Variants in PAX3 observed in about 807,000 individuals in gnomAD.
PAX3 encodes paired box 3.
A neutral mutation model predicts 51.6 loss-of-function variants in PAX3; 14 were observed. The observed-to-expected ratio is 0.27, with a 90% CI of 0.18 to 0.42. The LOEUF is 0.42. Ranked by LOEUF, PAX3 falls within the 10% of genes least tolerant of loss-of-function variation. The pLI is 1.00. For missense variants in PAX3, 540 were observed against 642.8 expected (o/e 0.84, Z 1.73); for synonymous variants, 280 against 253.4 (o/e 1.11, Z -1.00).
At chr2:222,252,230 G>A (rs966267933) in intron 4 of PAX3, among the ~76,000 whole-genome samples, 7 of 152,160 alleles carry the variant, frequency 4.6e-5, no homozygotes, top group Admixed American at 4.6e-4. Context: ...AGAGGCCAGT[G>A]GCCCCAAAAA....
intron 4 of PAX3, among the ~76,000 whole-genome samples, chr2:222,262,345 C>CA (rs1177040203): frequency 5.3e-5 from 8 of 151,386 alleles, no homozygotes; most frequent in East Asian, 3.9e-4. Context: ...AACAAATAAA[C>CA]AAAAAAAAGC....
chr2:222,228,609 T>A (rs1692469154), intron 5 of PAX3, among the ~76,000 whole-genome samples: 1 of 152,110 alleles, frequency 6.6e-6, no homozygotes, highest in Non-Finnish European at 1.5e-5. Context: ...TTTTCCTTAC[T>A]CACATTGAGT....
rs768353820 is a variant in PAX3 at position 222,221,179 on chromosome 2, G to T, written c.958+43C>A. ...GTATAAAATATCCACCAGAGAAATC[G>T]CCTGGAAGTTACTTTCTAATCTCCT... On this transcript the variant is annotated intron_variant, in intron 6 of 8. Coordinates refer to ENST00000392070, the MANE Select transcript of PAX3 (RefSeq NM_181458.4). The T allele has an allele frequency of 2.5e-6, 4 of 1,576,554 alleles. No individual in the cohort carries two copies. The East Asian group carries it at 6.7e-5, about 26-fold the overall frequency.
chr2:222,247,343 T>C (rs45524536), intron 4 of PAX3, among the ~76,000 whole-genome samples: 17,477 of 152,188 alleles, frequency 0.11, 1,246 homozygotes, highest in East Asian at 0.32. Flanking sequence ...TAACTAACAA[T>C]GTAACTAAAT....
At chr2:222,245,573 T>G (rs752115387) in intron 4 of PAX3, among the ~76,000 whole-genome samples, 1 of 152,142 alleles carries the variant, frequency 6.6e-6, no homozygotes, top group Non-Finnish European at 1.5e-5. Context: ...GGGACAATCT[T>G]GCAGAACTGG....
rs1695334796 is a variant in PAX3 at position 222,296,993 on chromosome 2, G to T, written c.306C>A (p.Gly102=). The change falls in exon 2 of 9, where the codon GGC becomes GGA. Residue 102 remains glycine (G), a synonymous_variant. Transcript: ENST00000392070. ...ETGSIRPGAI[G]GSKPKQVTTP... is the part of the protein sequence containing the mutation. ...GCCCGCTCACCTTGGGCTTGCTGCC[G>T]CCGATGGCACCAGGACGTATGGAGC... is the stretch of plus-strand genomic sequence containing the variant. 3 of 1,613,350 alleles carry T rather than the reference G, an allele frequency of 1.9e-6. No individual in the cohort carries two copies. In the East Asian group the frequency reaches 6.7e-5, roughly 36 times the overall value.
intron 4 of PAX3, among the ~76,000 whole-genome samples, chr2:222,273,828 T>C (rs45596733): frequency 8.0e-4 from 122 of 152,290 alleles, no homozygotes; most frequent in African/African-American, 2.5e-3. Flanking sequence ...CTTAGAACTA[T>C]AATCAAATAA....
chr2:222,235,994 T>TGC, intron 4 of PAX3, among the ~76,000 whole-genome samples: 1 of 152,316 alleles, frequency 6.6e-6, no homozygotes, highest in Non-Finnish European at 1.5e-5. Flanking sequence ...GCTGGAAACT[T>TGC]ATTTGAGAAA....
chr2:222,276,498 T>A (rs1268401374), intron 4 of PAX3, among the ~76,000 whole-genome samples: 1 of 152,112 alleles, frequency 6.6e-6, no homozygotes, highest in East Asian at 1.9e-4. Flanking sequence ...CCCCATGATT[T>A]CCTCAAGCGG....
At chr2:222,201,529 A>G in intron 8 of PAX3, 87 bp from the exon 9 acceptor site, 1 of 1,527,258 alleles carries the variant, frequency 6.5e-7, no homozygotes, top group Non-Finnish European at 9.1e-7. Context: ...ACAATGTCAT[A>G]TTTAATACCG....
intron 7 of PAX3, among the ~76,000 whole-genome samples, chr2:222,204,316 CT>C (rs1691422740): frequency 6.6e-6 from 1 of 152,096 alleles, no homozygotes; most frequent in Non-Finnish European, 1.5e-5. Context: ...TTGAACATAA[CT>C]AAGAATGCAT....
At chr2:222,211,261 A>G (rs1691715937) in intron 7 of PAX3, among the ~76,000 whole-genome samples, 1 of 152,332 alleles carries the variant, frequency 6.6e-6, no homozygotes, top group East Asian at 1.9e-4. Context: ...TAAGTCTACA[A>G]GACAATTTTT....
chr2:222,279,229 C>T lies in PAX3; in HGVS notation c.586+14938G>A, dbSNP rs568184556. On this transcript the variant is annotated intron_variant, in intron 4 of 8. Coordinates refer to ENST00000392070, the MANE Select transcript of PAX3 (RefSeq NM_181458.4). ...TGGGCCTCCCAAAGTGCTGGGATTA[C>T]AGGCATGAGCCACCACGCCCAGCCA... Among the ~76,000 whole-genome samples, 3 of 152,272 alleles carry T rather than the reference C, an allele frequency of 2.0e-5. No homozygotes were observed. The South Asian group carries it at 6.2e-4, about 32-fold the overall frequency.
rs1426120463 is a variant in PAX3, at chr2:222,200,821, ACAG to A, written c.*584_*586del. On this transcript the variant is annotated 3_prime_UTR_variant, in exon 9 of 9. Coordinates refer to ENST00000392070, the MANE Select transcript of PAX3 (RefSeq NM_181458.4). ...AAATAATTTATTTAGGAGGTCCTTT[ACAG>A]CTAGTCTAGCTTCCTAAAAATGGTT... 2.8e-6 allele frequency: 1 copy of A among 355,706 alleles called. No homozygotes were observed. Among genetic ancestry groups the A allele is most frequent in the African/African-American group, 2.1e-5 (1 of 48,644 alleles). The allele number at this position is 355,706 out of a possible 1,614,324, so 22.0% of individuals were successfully genotyped here.
chr2:222,295,455 A>G, intron 3 of PAX3, 73 bp downstream of exon 3: 1 of 1,554,560 alleles, frequency 6.4e-7, no homozygotes, highest in Non-Finnish European at 8.9e-7. Flanking sequence ...TGGGGTGATT[A>G]CGTCTGGGTC....
intron 7 of PAX3, among the ~76,000 whole-genome samples, chr2:222,213,310 A>G (rs1691820447): frequency 6.6e-6 from 1 of 152,174 alleles, no homozygotes; most frequent in Non-Finnish European, 1.5e-5. Flanking sequence ...CCTTAGAGAA[A>G]AACCAAAAGT....
At chr2:222,201,846 G>T in intron 8 of PAX3, 98 bp downstream of exon 8, 2 of 1,608,774 alleles carry the variant, frequency 1.2e-6, no homozygotes, top group Non-Finnish European at 8.5e-7. Flanking sequence ...ATACCGGCAT[G>T]TGTGGCTTAA....
At chr2:222,283,811 T>G (rs1694731665) in intron 4 of PAX3, among the ~76,000 whole-genome samples, 1 of 152,212 alleles carries the variant, frequency 6.6e-6, no homozygotes, top group African/African-American at 2.4e-5. Context: ...CCTGACCTAT[T>G]TTGGAGACAG....
chr2:222,295,819 G>C lies in PAX3; in HGVS notation c.322-162C>G, dbSNP rs544671260. ...TGAACTCTCTGAGGCACTTTAGAAA[G>C]GGGCAGACCAGAACACATCCCATCC... On this transcript the variant is annotated intron_variant, in intron 2 of 8. Transcript: ENST00000392070. Among the ~76,000 whole-genome samples, 3 of 152,290 alleles carry C rather than the reference G, an allele frequency of 2.0e-5. No homozygotes were observed. The East Asian group carries it at 5.8e-4, about 29-fold the overall frequency.
Sources: gnomAD v4.1 joint callset for allele counts (sites outside exome capture counted in the v4.1 genomes callset) on GRCh38, gnomAD v4.1.1 for gene constraint, MANE v1.5 for transcripts, NCBI Gene and HGNC (gene_info 2026-07-23, HGNC 2026-07-21) for gene names.